TMOD3: variants seen among roughly 807,000 people sequenced by gnomAD.
TMOD3 encodes tropomodulin 3, also known as tropomodulin-3.
A neutral mutation model predicts 39.2 loss-of-function variants in TMOD3; 20 were observed. The observed-to-expected ratio is 0.51, with a 90% CI of 0.36 to 0.74. TMOD3 has a LOEUF of 0.74. Among genes scored for constraint, TMOD3 ranks in the 30% least tolerant of loss-of-function variants. The probability of loss-of-function intolerance (pLI) is 0.00; values close to 1 mark genes in which losing one functional copy is unlikely to be tolerated. For synonymous variants in TMOD3, 143 were observed against 145.8 expected, an observed-to-expected ratio of 0.98 and a Z score of 0.14; for missense variants, 381 against 412.8, an observed-to-expected ratio of 0.92 and a Z score of 0.67.
intron 3 of TMOD3, 53 bp from the exon 4 acceptor site, chr15:51,887,536 G>A: frequency 1.9e-6 from 3 of 1,571,150 alleles, no homozygotes; most frequent in East Asian, 2.3e-5. Context: ...GGATAAAATG[G>A]TAATGAGTTG....
intron 7 of TMOD3, among the ~76,000 whole-genome samples, chr15:51,897,359 G>A (rs924710818): frequency 6.6e-6 from 1 of 151,560 alleles, no homozygotes; most frequent in Non-Finnish European, 1.5e-5. Context: ...GATGTCTAAT[G>A]GACATCTTAC....
At chr15:51,848,061 T>G (rs1396066380) in intron 1 of TMOD3, among the ~76,000 whole-genome samples, 1 of 152,156 alleles carries the variant, frequency 6.6e-6, no homozygotes, top group East Asian at 1.9e-4. Context: ...GCTCCATCTG[T>G]GAATCAGAAA....
Position 51,913,613 on chromosome 15 carries a change from C to CT in TMOD3, c.*4804dup, listed in dbSNP as rs1157084814. On this transcript the variant is annotated 3_prime_UTR_variant, in exon 10 of 10. Coordinates refer to ENST00000308580, the MANE Select transcript of TMOD3 (RefSeq NM_014547.5). Reference sequence around the variant, plus strand: ...AAACATATTTTATTAATTTTAAACTCTATCTTGCAGTCTGATCATTCAGAA... The same window carrying CT: ...AAACATATTTTATTAATTTTAAACTCTTATCTTGCAGTCTGATCATTCAGAA... The CT allele has an allele frequency of 6.6e-6, 1 of 152,184 alleles. No homozygotes were observed. The highest frequency in any genetic ancestry group is 1.9e-4 in the East Asian group (1 of 5,200). 9.4% of individuals were successfully genotyped at this position (152,184 alleles called of 1,614,324 possible). A position where few individuals can be genotyped will look rare whatever the true frequency, so the allele number is the denominator to read the frequency against.
intron 1 of TMOD3, among the ~76,000 whole-genome samples, chr15:51,830,100 C>T (rs2056246700): frequency 6.6e-6 from 1 of 152,120 alleles, no homozygotes; most frequent in African/African-American, 2.4e-5. Flanking sequence ...TCACCCGCGG[C>T]CCGGGCGCCC....
intron 4 of TMOD3, among the ~76,000 whole-genome samples, chr15:51,888,512 C>T (rs1327316384): frequency 2.6e-5 from 4 of 152,126 alleles, no homozygotes; most frequent in Admixed American, 2.0e-4. Flanking sequence ...TGCACAAGGG[C>T]ATCAAAAACT....
At chr15:51,901,790 A>T in intron 8 of TMOD3, 102 bp from the exon 9 acceptor site, 1 of 1,206,418 alleles carries the variant, frequency 8.3e-7, no homozygotes, top group Non-Finnish European at 1.2e-6. Context: ...GGGAACATTT[A>T]AAGAGATCAA....
Position 51,887,721 on chromosome 15 carries a change from A to G in TMOD3, c.406+10A>G. 4 of 1,613,364 alleles carry G rather than the reference A, an allele frequency of 2.5e-6. No homozygotes were observed. Among genetic ancestry groups the G allele is most frequent in the Non-Finnish European group, 3.4e-6 (4 of 1,179,836 alleles). ...TTGTGTGACCTCGCAGGTATCACCT[A>G]AAACAAGTTAATTTGTGAATAAGTG... is the stretch of plus-strand genomic sequence containing the variant. On this transcript the variant is annotated intron_variant, in intron 4 of 9. Coordinates refer to ENST00000308580, the MANE Select transcript of TMOD3 (RefSeq NM_014547.5).
At chr15:51,878,016 T>G (rs2141694420) in intron 3 of TMOD3, among the ~76,000 whole-genome samples, 1 of 152,364 alleles carries the variant, frequency 6.6e-6, no homozygotes, top group Admixed American at 6.5e-5. Context: ...TTCCCTCCTT[T>G]CTGGTTCCCT....
rs991585081 is a variant in TMOD3, at chr15:51,910,061, G to C, written c.*1251G>C. 1.3e-5 allele frequency: 2 copies of C among 152,254 alleles called. No homozygotes were observed. Among genetic ancestry groups the C allele is most frequent in the Non-Finnish European group, 2.9e-5 (2 of 68,066 alleles). 9.4% of individuals were successfully genotyped at this position (152,254 alleles called of 1,614,324 possible). A position where few individuals can be genotyped will look rare whatever the true frequency, so the allele number is the denominator to read the frequency against. ...GATTTGAGACTGCAGAGCTGATGCTGGGTAGAGGGTCTGGACTTGTATTCA... is the reference window on the plus strand; with the variant it reads ...GATTTGAGACTGCAGAGCTGATGCTCGGTAGAGGGTCTGGACTTGTATTCA... On this transcript the variant is annotated 3_prime_UTR_variant, in exon 10 of 10. Transcript: ENST00000308580.
rs1240751974 is a variant in TMOD3 at position 51,914,812 on chromosome 15, AC to A, written c.*6004del. On this transcript the variant is annotated 3_prime_UTR_variant, in exon 10 of 10. Coordinates refer to ENST00000308580, the MANE Select transcript of TMOD3 (RefSeq NM_014547.5). ...AATGGTGCGATCTCAGCTCACTGCA[AC>A]CTCCGCCTCCTGGGTTCAGATGATT... 1 of 150,092 alleles carries A rather than the reference AC, an allele frequency of 6.7e-6. No individual in the cohort carries two copies. The highest frequency in any genetic ancestry group is 1.5e-5 in the Non-Finnish European group (1 of 67,446). 9.3% of individuals were successfully genotyped at this position (150,092 alleles called of 1,614,324 possible). A position where few individuals can be genotyped will look rare whatever the true frequency, so the allele number is the denominator to read the frequency against.
intron 3 of TMOD3, among the ~76,000 whole-genome samples, chr15:51,885,391 A>G (rs1192957714): frequency 6.6e-6 from 1 of 151,786 alleles, no homozygotes; most frequent in African/African-American, 2.4e-5. Context: ...CAGCAGACAA[A>G]CATGTGAACA....
At chr15:51,874,214 C>G (rs890029846) in intron 3 of TMOD3, among the ~76,000 whole-genome samples, 1 of 151,974 alleles carries the variant, frequency 6.6e-6, no homozygotes, top group African/African-American at 2.4e-5. Context: ...TTTTAGAAAC[C>G]TGATAGACTG....
intron 2 of TMOD3, among the ~76,000 whole-genome samples, chr15:51,868,801 A>T (rs2056460379): frequency 6.6e-6 from 1 of 152,074 alleles, no homozygotes; most frequent in Non-Finnish European, 1.5e-5. Context: ...GCAAAACCCC[A>T]TCTCTACCCA....
chr15:51,903,141 T>G (rs576694330), intron 9 of TMOD3, among the ~76,000 whole-genome samples: 1 of 152,350 alleles, frequency 6.6e-6, no homozygotes, highest in South Asian at 2.1e-4. Flanking sequence ...CTAAAAGGAC[T>G]GTTGTGGAAC....
chr15:51,844,653 A>G (rs2056327189), intron 1 of TMOD3, among the ~76,000 whole-genome samples: 1 of 152,242 alleles, frequency 6.6e-6, no homozygotes, highest in Non-Finnish European at 1.5e-5. Flanking sequence ...CTACTTTAGT[A>G]TTCTTACTAC....
At chr15:51,843,965 T>C (rs901615788) in intron 1 of TMOD3, among the ~76,000 whole-genome samples, 2 of 152,168 alleles carry the variant, frequency 1.3e-5, no homozygotes, top group African/African-American at 2.4e-5. Context: ...ATTTTGTTTT[T>C]TCTACCAAAG....
chr15:51,884,792 A>G (rs1385697055), intron 3 of TMOD3: 1 of 152,278 alleles, frequency 6.6e-6, no homozygotes, highest in Non-Finnish European at 1.5e-5. Flanking sequence ...GAGAATGGCC[A>G]AAGAGAAAAA....
intron 1 of TMOD3, chr15:51,833,117 A>G (rs1448554154): frequency 1.3e-5 from 2 of 152,272 alleles, no homozygotes; most frequent in Non-Finnish European, 2.9e-5. Context: ...TAACTGGTCC[A>G]TTAAGTGCTT....
rs1351437084 is a variant in TMOD3, at chr15:51,910,433, GGGTGTGGT to G, written c.*1628_*1635del. ...TCTACTAAAAATCAAAAAAGTAGCCGGGTGTGGTGGTGCACACCTGTAATCCCAGCTAC... is the reference window on the plus strand; with the variant it reads ...TCTACTAAAAATCAAAAAAGTAGCCGGGTGCACACCTGTAATCCCAGCTAC... On this transcript the variant is annotated 3_prime_UTR_variant, in exon 10 of 10. Coordinates refer to ENST00000308580, the MANE Select transcript of TMOD3 (RefSeq NM_014547.5). The G allele has an allele frequency of 6.6e-6, 1 of 152,306 alleles. No individual in the cohort carries two copies. Among genetic ancestry groups the G allele is most frequent in the African/African-American group, 2.4e-5 (1 of 41,424 alleles). The allele number at this position is 152,306 out of a possible 1,614,324, so 9.4% of individuals were successfully genotyped here. A position where few individuals can be genotyped will look rare whatever the true frequency, so the allele number is the denominator to read the frequency against.
Sources: gnomAD v4.1 joint callset for allele counts (sites outside exome capture counted in the v4.1 genomes callset) on GRCh38, gnomAD v4.1.1 for gene constraint, MANE v1.5 for transcripts, NCBI Gene and HGNC (gene_info 2026-07-23, HGNC 2026-07-21) for gene names.